TSC2: variants seen among roughly 807,000 people sequenced by gnomAD.
TSC2 encodes the protein TSC complex subunit 2.
Under a neutral mutation model 202.2 loss-of-function variants are expected in TSC2, and 29 were observed. The observed-to-expected ratio is 0.14, with a 90% CI of 0.11 to 0.20. TSC2 has a LOEUF of 0.20. Among genes scored for constraint, TSC2 ranks in the 10% least tolerant of loss-of-function variants. TSC2 has a pLI of 1.00. For synonymous variants in TSC2, 1,349 were observed against 1,044.0 expected, an observed-to-expected ratio of 1.29 and a Z score of -5.63; for missense variants, 2,429 against 2,420.0, an observed-to-expected ratio of 1.00 and a Z score of -0.08.
chr16:2,087,033 G>A (rs953769863), intron 38 of TSC2, 162 bp downstream of exon 38: 12 of 1,107,918 alleles, frequency 1.1e-5, no homozygotes, highest in East Asian at 1.0e-4. Flanking sequence ...CCGAGCCTGC[G>A]TTGTGTCCTC....
At chr16:2,073,997 C>T (rs1036225540) in intron 21 of TSC2, among the ~76,000 whole-genome samples, 4 of 152,254 alleles carry the variant, frequency 2.6e-5, no homozygotes, top group African/African-American at 7.2e-5. Flanking sequence ...CCTGTGGGAT[C>T]GTGTCGGAAT....
intron 36 of TSC2, 65 bp from the exon 37 acceptor site, chr16:2,086,128 C>T (rs2090754047): frequency 1.3e-6 from 2 of 1,597,708 alleles, no homozygotes; most frequent in Non-Finnish European, 1.7e-6. Flanking sequence ...TGGGCACCCC[C>T]ACCCTCTGCG....
chr16:2,077,734 G>C lies in TSC2; in HGVS notation c.2966+8G>C, dbSNP rs750283532. 1 of 1,612,024 alleles carries C rather than the reference G, an allele frequency of 6.2e-7. No homozygotes were observed. Among genetic ancestry groups the C allele is most frequent in the Non-Finnish European group, 8.5e-7 (1 of 1,180,004 alleles). On this transcript the variant is annotated splice_region_variant and intron_variant, in intron 26 of 41. Coordinates refer to ENST00000219476, the MANE Select transcript of TSC2 (RefSeq NM_000548.5). ...TGAACATGTGGTCCGCAGGTAGCGG[G>C]ACTGTCGGGTGGGGGGCACGGACCC...
At chr16:2,081,140 G>A in intron 30 of TSC2, 2 of 279,198 alleles carry the variant, frequency 7.2e-6, no homozygotes, top group South Asian at 7.6e-5. Context: ...CCCGTTCTGA[G>A]TTCCTGGGGT....
At chr16:2,088,376 G>A (rs766697215) in intron 41 of TSC2, 51 bp downstream of exon 41, 9 of 1,612,312 alleles carry the variant, frequency 5.6e-6, no homozygotes, top group Non-Finnish European at 7.6e-6. Context: ...CCCAAGCTGT[G>A]GGGCGGGTGT....
Position 2,070,564 on chromosome 16 carries a change from A to T in TSC2, c.1825A>T (p.Ser609Cys). ...KHSYTLPIAS[S>C]IRLQAFDFLL... Reference sequence around the variant, plus strand: ...CAGCTACACCCTGCCAATCGCGAGCAGCATCCGGCTGCAGGTATGGTGGCT... The same window carrying T: ...CAGCTACACCCTGCCAATCGCGAGCTGCATCCGGCTGCAGGTATGGTGGCT... Residue 609 changes from serine (S) to cysteine (C), a missense_variant, in exon 17 of 42, where the codon AGC becomes TGC. Ser to Cys is a moderately radical substitution (Grantham distance 112). Transcript: ENST00000219476. The T allele has an allele frequency of 6.2e-7, 1 of 1,613,166 alleles. No individual in the cohort carries two copies. Among genetic ancestry groups the T allele is most frequent in the Non-Finnish European group, 8.5e-7 (1 of 1,180,036 alleles).
At chr16:2,062,828 G>A (rs1428294858) in intron 13 of TSC2, 144 bp from the exon 14 acceptor site, 24 of 1,014,448 alleles carry the variant, frequency 2.4e-5, no homozygotes, top group Non-Finnish European at 3.5e-5. Flanking sequence ...CTGGAGAGAT[G>A]CTCCCTGGGA....
chr16:2,055,689 G>A (rs893530119), intron 6 of TSC2, 170 bp downstream of exon 6: 3 of 664,458 alleles, frequency 4.5e-6, no homozygotes, highest in South Asian at 1.5e-5. Flanking sequence ...TCAGGAGTTC[G>A]AGACCAGCCT....
At chr16:2,053,271 A>G (rs1480040936) in intron 3 of TSC2, 71 bp from the exon 4 acceptor site, 1 of 1,470,196 alleles carries the variant, frequency 6.8e-7, no homozygotes, top group Non-Finnish European at 9.3e-7. Flanking sequence ...CGCTCACGGC[A>G]CTGCTCCAGT....
At chr16:2,086,658 G>T in intron 37 of TSC2, 74 bp from the exon 38 acceptor site, 2 of 1,594,596 alleles carry the variant, frequency 1.3e-6, no homozygotes, top group South Asian at 1.1e-5. Context: ...GAGTAATCAG[G>T]AGGTGCCCCA....
chr16:2,048,798 G>C (rs1045054580), intron 2 of TSC2, 45 bp downstream of exon 2: 1 of 1,613,326 alleles, frequency 6.2e-7, no homozygotes, highest in Non-Finnish European at 8.5e-7. Context: ...GGGAAATGCA[G>C]AGAAGGCTGG....
chr16:2,064,101 C>T, intron 14 of TSC2, 171 bp from the exon 15 acceptor site: 1 of 1,072,596 alleles, frequency 9.3e-7, no homozygotes, highest in East Asian at 2.4e-5. Flanking sequence ...TGGAAGGGGC[C>T]CCGGGGTCTC....
At chr16:2,085,178 G>A (rs938025969) in intron 35 of TSC2, 52 bp from the exon 36 acceptor site, 15 of 1,610,316 alleles carry the variant, frequency 9.3e-6, no homozygotes, top group Admixed American at 6.7e-5. Context: ...TGGGTGGGGC[G>A]GCCTCCTGTG....
chr16:2,087,981 G>T, intron 39 of TSC2, 40 bp downstream of exon 39: 2 of 1,611,198 alleles, frequency 1.2e-6, no homozygotes, highest in East Asian at 4.5e-5. Flanking sequence ...GAAAGGTAGG[G>T]CCGGGTGGGG....
At chr16:2,083,474 C>A in intron 32 of TSC2, 5 of 745,774 alleles carry the variant, frequency 6.7e-6, no homozygotes, top group Non-Finnish European at 1.1e-5. Context: ...GCCTGCCCAA[C>A]CCCCGGGCAC....
intron 16 of TSC2, among the ~76,000 whole-genome samples, chr16:2,066,068 G>A (rs2087308004): frequency 6.6e-6 from 1 of 152,128 alleles, no homozygotes; most frequent in Non-Finnish European, 1.5e-5. Context: ...TAAATTCACA[G>A]AGCTCTGCAG....
At position 2,076,538 on chromosome 16, in the gene TSC2, G is replaced by C; in HGVS notation, c.2790G>C (p.Lys930Asn). The C allele has an allele frequency of 6.2e-7, 1 of 1,613,608 alleles. No individual in the cohort carries two copies. Among genetic ancestry groups the C allele is most frequent in the Non-Finnish European group, 8.5e-7 (1 of 1,180,006 alleles). ...TGTCTTTTGATGACACCCCCGAGAA[G>C]GACAGCTTCAGGGCCCGGAGTACTA... ...VLLSFDDTPEKDSFRARSTSL... is the reference protein window; with the variant it reads ...VLLSFDDTPENDSFRARSTSL... The change falls in exon 25 of 42, where the codon AAG (lysine) becomes AAC (asparagine). Residue 930 changes from lysine (K) to asparagine (N), a missense_variant. By Grantham distance (94) the Lys-to-Asn change is moderately conservative. Transcript: ENST00000219476.
intron 4 of TSC2, 194 bp from the exon 5 acceptor site, chr16:2,054,102 T>C (rs2085472414): frequency 1.2e-6 from 1 of 806,952 alleles, no homozygotes; most frequent in East Asian, 2.7e-5. Flanking sequence ...TACGCCGCTC[T>C]GCGGTCGGCC....
rs1060504116 is a variant in TSC2, at chr16:2,076,083, C to G, written c.2655C>G (p.Ile885Met). 2 of 1,613,960 alleles carry G rather than the reference C, an allele frequency of 1.2e-6. No individual in the cohort carries two copies. Among genetic ancestry groups the G allele is most frequent in the Admixed American group, 1.7e-5 (1 of 60,012 alleles). ...CTCATCTCAGGTTTAATCAGTACAT[C>G]GTGTGTCTGGCCCATCACGTCATAG... Reference protein sequence around the residue: ...YTNPSKFNQYIVCLAHHVIAM... With the variant: ...YTNPSKFNQYMVCLAHHVIAM... Residue 885 changes from isoleucine (I) to methionine (M), a missense_variant, in exon 24 of 42, where the codon ATC (isoleucine) becomes ATG (methionine). Ile to Met is a conservative substitution (Grantham distance 10). Transcript: ENST00000219476.
Sources: allele counts gnomAD v4.1 joint callset (sites outside exome capture counted in the v4.1 genomes callset), GRCh38; gene constraint gnomAD v4.1.1; transcripts MANE v1.5; gene names NCBI Gene and HGNC (gene_info 2026-07-23, HGNC 2026-07-21).